SGMS1: variants seen among roughly 807,000 people sequenced by gnomAD.
SGMS1 encodes the protein phosphatidylcholine:ceramide cholinephosphotransferase 1.
In SGMS1, 13 loss-of-function variants were observed where a neutral mutation model predicts 46.2. That is an observed-to-expected ratio of 0.28 (90% CI 0.18 to 0.45). SGMS1 has a LOEUF of 0.45. SGMS1 is among the 20% of genes least tolerant of loss of function. SGMS1 has a pLI of 1.00. For synonymous variants in SGMS1, 203 were observed against 187.8 expected, an observed-to-expected ratio of 1.08 and a Z score of -0.66; for missense variants, 324 against 519.9, an observed-to-expected ratio of 0.62 and a Z score of 3.66.
chr10:50,351,672 C>T (rs906998429), intron 6 of SGMS1, among the ~76,000 whole-genome samples: 5 of 152,058 alleles, frequency 3.3e-5, no homozygotes, highest in African/African-American at 1.2e-4. Flanking sequence ...TTTCTCTTGC[C>T]GCCACCATGT....
chr10:50,624,494 G>GA (rs56052001), upstream of SGMS1: 834 of 685,222 alleles, frequency 1.2e-3, no homozygotes, highest in Non-Finnish European at 1.3e-3. Context: ...TCCCACAACA[G>GA]AAAAAAAAAG....
chr10:50,382,568 T>C (rs12570922), intron 6 of SGMS1, among the ~76,000 whole-genome samples: 2,910 of 142,740 alleles, frequency 0.02, 109 homozygotes, highest in African/African-American at 0.071. Flanking sequence ...AACACACACA[T>C]ACACACACAC....
intron 1 of SGMS1, among the ~76,000 whole-genome samples, chr10:50,602,559 C>T (rs1340077031): frequency 6.6e-6 from 1 of 152,188 alleles, no homozygotes; most frequent in African/African-American, 2.4e-5. Context: ...GCCTACTAAA[C>T]ACTTATCAGG....
chr10:50,530,795 A>C (rs1350619038), intron 2 of SGMS1, among the ~76,000 whole-genome samples: 1 of 152,146 alleles, frequency 6.6e-6, no homozygotes, highest in East Asian at 1.9e-4. Flanking sequence ...TTTTAACAAT[A>C]GTTTATATAA....
intron 6 of SGMS1, among the ~76,000 whole-genome samples, chr10:50,366,673 C>T (rs1419548612): frequency 6.6e-6 from 1 of 152,008 alleles, no homozygotes; most frequent in African/African-American, 2.4e-5. Context: ...AAGCTGGAAA[C>T]GATCATTCTC....
At chr10:50,331,928 C>T (rs919512887) in intron 7 of SGMS1, among the ~76,000 whole-genome samples, 2 of 152,174 alleles carry the variant, frequency 1.3e-5, no homozygotes, top group Non-Finnish European at 1.5e-5. Context: ...CTTGGACTTC[C>T]AGCATCCAGA....
At chr10:50,391,960 T>C (rs773142267) in intron 6 of SGMS1, among the ~76,000 whole-genome samples, 6 of 151,834 alleles carry the variant, frequency 4.0e-5, no homozygotes, top group Non-Finnish European at 8.8e-5. Flanking sequence ...ATGCTCTCAC[T>C]TATAAGTGGA....
intron 3 of SGMS1, among the ~76,000 whole-genome samples, chr10:50,484,407 A>G (rs1478340352): frequency 6.6e-6 from 1 of 152,222 alleles, no homozygotes; most frequent in African/African-American, 2.4e-5. Context: ...AATAATTAAT[A>G]GCCTAGCAAT....
chr10:50,314,682 T>C (rs562152447), intron 8 of SGMS1, among the ~76,000 whole-genome samples: 40 of 152,300 alleles, frequency 2.6e-4, no homozygotes, highest in Admixed American at 2.4e-3. Flanking sequence ...ATTTCTGTAA[T>C]CTCAGCACTT....
intron 2 of SGMS1, among the ~76,000 whole-genome samples, chr10:50,524,048 T>C (rs1837878150): frequency 1.3e-5 from 2 of 152,248 alleles, no homozygotes; most frequent in South Asian, 2.1e-4. Flanking sequence ...AAGGAATCAA[T>C]GCATGACAAG....
intron 1 of SGMS1, chr10:50,623,457 C>A: frequency 2.1e-6 from 1 of 481,184 alleles, no homozygotes; most frequent in Non-Finnish European, 2.7e-6. Flanking sequence ...GGAGCCCCGC[C>A]GGCGGCCCGC....
At chr10:50,546,638 C>T (rs781049318) in intron 2 of SGMS1, among the ~76,000 whole-genome samples, 6 of 152,066 alleles carry the variant, frequency 3.9e-5, no homozygotes, top group East Asian at 1.9e-4. Flanking sequence ...AACCAAACAC[C>T]GCATGTTCTC....
At chr10:50,467,918 A>G (rs966113466) in intron 3 of SGMS1, among the ~76,000 whole-genome samples, 27 of 152,320 alleles carry the variant, frequency 1.8e-4, no homozygotes, top group African/African-American at 5.8e-4. Flanking sequence ...AGGACAGAGA[A>G]GCAGTTTATG....
intron 5 of SGMS1, among the ~76,000 whole-genome samples, chr10:50,437,456 G>A (rs1849489641): frequency 6.6e-6 from 1 of 152,180 alleles, no homozygotes; most frequent in Admixed American, 6.5e-5. Context: ...AATGGCAGAA[G>A]CTGAAATTCA....
chr10:50,575,609 C>T (rs1404517926), intron 2 of SGMS1, among the ~76,000 whole-genome samples: 2 of 152,074 alleles, frequency 1.3e-5, no homozygotes, highest in Non-Finnish European at 2.9e-5. Context: ...CGTCACCCTC[C>T]TCCCCCCACA....
At chr10:50,543,920 C>G (rs181972418) in intron 2 of SGMS1, among the ~76,000 whole-genome samples, 1 of 152,108 alleles carries the variant, frequency 6.6e-6, no homozygotes, top group African/African-American at 2.4e-5. Context: ...AGGAGCCATA[C>G]GAAGAACGTA....
chr10:50,609,177 C>T (rs1838724085), intron 1 of SGMS1, among the ~76,000 whole-genome samples: 1 of 152,062 alleles, frequency 6.6e-6, no homozygotes, highest in South Asian at 2.1e-4. Context: ...TGCCACATTG[C>T]CTAGGCTGGT....
At position 50,368,522 on chromosome 10, in the gene SGMS1, A is replaced by G. The variant is rs1332279994; in HGVS notation, c.-231-24177T>C. 2.0e-5 allele frequency among the ~76,000 whole-genome samples: 3 copies of G among 152,090 alleles called. No individual in the cohort carries two copies. The East Asian group carries it at 5.8e-4, about 29-fold the overall frequency. Reference sequence around the variant, plus strand: ...CTGGCACCTGCCATCATGCCCAGCTAATTTTTGTATTTTTGTAGAGACAGG... The same window carrying G: ...CTGGCACCTGCCATCATGCCCAGCTGATTTTTGTATTTTTGTAGAGACAGG... On this transcript the variant is annotated intron_variant, in intron 6 of 10. Coordinates refer to ENST00000361781, the MANE Select transcript of SGMS1 (RefSeq NM_147156.4).
intron 3 of SGMS1, among the ~76,000 whole-genome samples, chr10:50,493,711 A>C (rs560985985): frequency 6.6e-6 from 1 of 152,358 alleles, no homozygotes; most frequent in East Asian, 1.9e-4. Context: ...ATATGAAAAA[A>C]AAAAACTCAA....
Sources: allele counts gnomAD v4.1 joint callset (sites outside exome capture counted in the v4.1 genomes callset), GRCh38; gene constraint gnomAD v4.1.1; transcripts MANE v1.5; gene names NCBI Gene and HGNC (gene_info 2026-07-23, HGNC 2026-07-21).